Variants in NGLY1 observed in about 807,000 individuals in gnomAD.
The protein encoded by NGLY1 is N-glycanase 1, also known as peptide-N(4)-(N-acetyl-beta-glucosaminyl)asparagine amidase.
A neutral mutation model predicts 84.6 loss-of-function variants in NGLY1; 68 were observed. The ratio of observed to expected loss-of-function variants is 0.80; its 90% CI spans 0.66 to 0.98. NGLY1 has a LOEUF of 0.98. NGLY1 is among the 50% of genes least tolerant of loss of function. The probability of loss-of-function intolerance (pLI) is 0.00; values close to 1 mark genes in which losing one functional copy is unlikely to be tolerated. For synonymous variants in NGLY1, 280 were observed against 275.2 expected (o/e 1.02, Z -0.17); for missense variants, 779 against 770.2 (o/e 1.01, Z -0.14).
At chr3:25,745,259 A>C (rs1445042264) in intron 4 of NGLY1, among the ~76,000 whole-genome samples, 1 of 152,166 alleles carries the variant, frequency 6.6e-6, no homozygotes, top group Non-Finnish European at 1.5e-5. Flanking sequence ...TTTTCATCTC[A>C]TTTAATTTAA....
At chr3:25,779,420 G>T (rs1397427040) in intron 1 of NGLY1, among the ~76,000 whole-genome samples, 1 of 152,180 alleles carries the variant, frequency 6.6e-6, no homozygotes, top group African/African-American at 2.4e-5. Flanking sequence ...AGAATGTAAG[G>T]TTAAGCTAAT....
intron 4 of NGLY1, among the ~76,000 whole-genome samples, chr3:25,746,022 ATT>A (rs916948167): frequency 6.6e-6 from 1 of 152,116 alleles, no homozygotes; most frequent in African/African-American, 2.4e-5. Flanking sequence ...GCTTTGTTTC[ATT>A]TTACTAATTT....
Position 25,738,625 on chromosome 3 carries a change from AT to A in NGLY1, c.881+951del, listed in dbSNP as rs113109456. On this transcript the variant is annotated intron_variant, in intron 5 of 11. Transcript: ENST00000280700. ...ATGAATTTATAACTTAGGTAATTAA[AT>A]TTTTTTTTTTTTTGAGACAAAGTCT... Among the ~76,000 whole-genome samples the A allele has an allele frequency of 5.9e-3, 854 of 145,974 alleles. 3 individuals carry two copies. The highest frequency in any genetic ancestry group is 0.016 in the African/African-American group (631 of 40,130).
intron 3 of NGLY1, 25 bp from the exon 4 acceptor site, chr3:25,751,288 A>C: frequency 1.3e-6 from 2 of 1,500,734 alleles, no homozygotes; most frequent in Non-Finnish European, 1.8e-6. Context: ...AAAAACTGAA[A>C]TTAACTTTTC....
chr3:25,743,509 A>C (rs1706257800), intron 4 of NGLY1, among the ~76,000 whole-genome samples: 1 of 152,182 alleles, frequency 6.6e-6, no homozygotes, highest in African/African-American at 2.4e-5. Flanking sequence ...CTTGTATCAA[A>C]CAGCATCTTA....
chr3:25,740,059 G>C (rs774103184), intron 4 of NGLY1, among the ~76,000 whole-genome samples: 3 of 152,154 alleles, frequency 2.0e-5, no homozygotes, highest in Non-Finnish European at 4.4e-5. Context: ...TAACAAGTGA[G>C]CTGAACACAA....
intron 5 of NGLY1, among the ~76,000 whole-genome samples, chr3:25,737,835 C>T (rs780222454): frequency 1.3e-5 from 2 of 152,110 alleles, no homozygotes; most frequent in Non-Finnish European, 2.9e-5. Flanking sequence ...TGAGCCACTG[C>T]GCCCGGCCTT....
chr3:25,789,634 A>G (rs1708678245), intron 1 of NGLY1: 1 of 594,038 alleles, frequency 1.7e-6, no homozygotes, highest in Non-Finnish European at 3.0e-6. Flanking sequence ...GTACCACAAG[A>G]TACACAACAA....
At chr3:25,778,722 A>G in intron 1 of NGLY1, 34 bp from the exon 2 acceptor site, 1 of 1,331,190 alleles carries the variant, frequency 7.5e-7, no homozygotes, top group Non-Finnish European at 1.1e-6. Context: ...TATATATAAA[A>G]AAAACCAGGT....
chr3:25,779,108 C>A (rs553413207), intron 1 of NGLY1, among the ~76,000 whole-genome samples: 15 of 151,592 alleles, frequency 9.9e-5, no homozygotes, highest in African/African-American at 3.6e-4. Flanking sequence ...GCTAATTTTG[C>A]ATTTTTTAAG....
At chr3:25,747,785 T>C (rs1326753128) in intron 4 of NGLY1, among the ~76,000 whole-genome samples, 1 of 152,114 alleles carries the variant, frequency 6.6e-6, no homozygotes, top group African/African-American at 2.4e-5. Context: ...TCTGCTTACA[T>C]GGAAAAGAAG....
At chr3:25,772,183 T>C (rs1707927850) in intron 2 of NGLY1, among the ~76,000 whole-genome samples, 2 of 152,344 alleles carry the variant, frequency 1.3e-5, no homozygotes, top group East Asian at 1.9e-4. Context: ...AAAGTTTTGA[T>C]TACCTTAAGG....
In NGLY1 at chr3:25,720,066, T is replaced by C. The variant is rs1274398230; in HGVS notation, c.1737A>G (p.Gly579=). 6.2e-7 allele frequency: 1 copy of C among 1,613,902 alleles called. No homozygotes were observed. Among genetic ancestry groups the C allele is most frequent in the Admixed American group, 1.7e-5 (1 of 60,012 alleles). ...IRTSSQTFQT[G]TVEWKLRSDT... is the part of the protein sequence containing the mutation. ...CAGATCGCAATTTCCATTCTACTGT[T>C]CCAGTCTGAAAAGTTTGACTACTTG... is the stretch of plus-strand genomic sequence containing the variant. Residue 579 remains glycine, a synonymous_variant, in exon 11 of 12, where the codon GGA becomes GGG. Transcript: ENST00000280700.
intron 4 of NGLY1, among the ~76,000 whole-genome samples, chr3:25,748,696 CAATA>C (rs1412029266): frequency 6.6e-6 from 1 of 152,148 alleles, no homozygotes; most frequent in East Asian, 1.9e-4. Context: ...TACTCTTAAT[CAATA>C]AATAATGTCT....
upstream of NGLY1, among the ~76,000 whole-genome samples, chr3:25,787,513 A>G (rs925477293): frequency 2.0e-5 from 3 of 152,180 alleles, no homozygotes; most frequent in African/African-American, 7.2e-5. Context: ...GGCTCCCTCT[A>G]TCCACATTCT....
chr3:25,750,905 GTA>G (rs1456039163), intron 4 of NGLY1, among the ~76,000 whole-genome samples, 191 bp downstream of exon 4: 6 of 152,132 alleles, frequency 3.9e-5, no homozygotes, highest in Non-Finnish European at 8.8e-5. Flanking sequence ...CAGAACCCAT[GTA>G]TATAAAGAGT....
intron 9 of NGLY1, 170 bp from the exon 10 acceptor site, chr3:25,729,488 GTTA>G (rs1007009639): frequency 1.0e-5 from 4 of 381,728 alleles, no homozygotes; most frequent in African/African-American, 2.1e-5. Context: ...TCAGTATGAT[GTTA>G]TTATAACTCT....
At chr3:25,749,260 T>G (rs375899401) in intron 4 of NGLY1, among the ~76,000 whole-genome samples, 1 of 152,168 alleles carries the variant, frequency 6.6e-6, no homozygotes, top group Non-Finnish European at 1.5e-5. Flanking sequence ...CCAAAAATAA[T>G]TGAAACCAGG....
At chr3:25,762,610 G>A (rs913224006) in intron 3 of NGLY1, among the ~76,000 whole-genome samples, 3 of 152,026 alleles carry the variant, frequency 2.0e-5, no homozygotes, top group South Asian at 4.1e-4. Flanking sequence ...TTCTGGTGAC[G>A]GACAGGATTT....
Sources: gnomAD v4.1 joint callset for allele counts (sites outside exome capture counted in the v4.1 genomes callset) on GRCh38, gnomAD v4.1.1 for gene constraint, MANE v1.5 for transcripts, NCBI Gene and HGNC (gene_info 2026-07-23, HGNC 2026-07-21) for gene names.